PLA2G6: variants seen among roughly 807,000 people sequenced by gnomAD.
PLA2G6 encodes the protein 85/88 kDa calcium-independent phospholipase A2.
PLA2G6 carries 62 observed loss-of-function variants against 83.8 expected under a neutral mutation model. The observed-to-expected ratio is 0.74, with a 90% CI of 0.60 to 0.91. PLA2G6 has a LOEUF of 0.91. PLA2G6 is among the 40% of genes least tolerant of loss of function. The probability of loss-of-function intolerance (pLI) is 0.00; values close to 1 mark genes in which losing one functional copy is unlikely to be tolerated. For missense variants in PLA2G6, 944 were observed against 1,102.0 expected (o/e 0.86, Z 2.03); for synonymous variants, 417 against 449.8 (o/e 0.93, Z 0.92).
intron 12 of PLA2G6, chr22:38,116,472 G>A (rs2087204858): frequency 1.6e-6 from 1 of 641,960 alleles, no homozygotes. Context: ...GGAAAAACCT[G>A]TTGCAAGACT....
At chr22:38,126,659 T>A in intron 9 of PLA2G6, 1 of 586,626 alleles carries the variant, frequency 1.7e-6, no homozygotes, top group East Asian at 3.0e-5. Context: ...TGGGCTGGAG[T>A]GGAAAGGGGG....
chr22:38,161,759 G>T (rs535857150), intron 2 of PLA2G6, among the ~76,000 whole-genome samples: 2 of 152,236 alleles, frequency 1.3e-5, no homozygotes, highest in African/African-American at 4.8e-5. Context: ...CAGCAGCAGG[G>T]CTATCAGCTG....
In PLA2G6 at chr22:38,115,531, C is replaced by T. The variant is rs369038599; in HGVS notation, c.2030G>A (p.Arg677His). 17 of 1,612,816 alleles carry T rather than the reference C, an allele frequency of 1.1e-5. No individual in the cohort carries two copies. Among genetic ancestry groups the T allele is most frequent in the East Asian group, 2.2e-5 (1 of 44,892 alleles). Reference sequence around the variant, plus strand: ...CCTCTGGCCTACGGCACTCACCTTGCGGATCAGGTCCTGATTGTACTCATG... The same window carrying T: ...CCTCTGGCCTACGGCACTCACCTTGTGGATCAGGTCCTGATTGTACTCATG... ...EIHEYNQDLI[R>H]KGQANKVKKL... Residue 677 changes from arginine to histidine, a missense_variant, in exon 14 of 17, where the codon CGC (arginine) becomes CAC (histidine). Physicochemically the swap from Arg to His is conservative, Grantham distance 29 (BLOSUM62 0). Coordinates refer to ENST00000332509, the MANE Select transcript of PLA2G6 (RefSeq NM_003560.4).
At chr22:38,116,555 G>A (rs12167576) in intron 12 of PLA2G6, 141,177 of 404,044 alleles carry the variant, frequency 0.35, 25,892 homozygotes, top group South Asian at 0.42. Context: ...CACTGCAGAC[G>A]TTAGAAAAAG....
At chr22:38,181,547 C>G (rs1307148334) in intron 1 of PLA2G6, 117 bp downstream of exon 1, 1 of 152,004 alleles carries the variant, frequency 6.6e-6, no homozygotes, top group Non-Finnish European at 1.5e-5. Context: ...CCCTGGGGTC[C>G]ACAAGTTCGA....
chr22:38,127,492 G>A, intron 9 of PLA2G6: 2 of 1,274,010 alleles, frequency 1.6e-6, no homozygotes, highest in Non-Finnish European at 1.0e-6. Flanking sequence ...GGGAGGTGGA[G>A]GGGGAGTTCC....
chr22:38,145,317 C>A, intron 3 of PLA2G6, 121 bp downstream of exon 3: 1 of 850,218 alleles, frequency 1.2e-6, no homozygotes, highest in South Asian at 1.4e-5. Flanking sequence ...TAGTGAGCGA[C>A]CATGCCAGGC....
intron 1 of PLA2G6, among the ~76,000 whole-genome samples, chr22:38,174,559 C>T (rs6001037): frequency 0.071 from 10,763 of 152,226 alleles, 865 homozygotes; most frequent in African/African-American, 0.19. Flanking sequence ...CCCTGTCTCG[C>T]CAAGTGCACG....
At chr22:38,143,525 C>A in intron 3 of PLA2G6, 1 of 614,188 alleles carries the variant, frequency 1.6e-6, no homozygotes, top group South Asian at 1.8e-5. Flanking sequence ...GGCCCCAGGG[C>A]CACACCAGCA....
intron 2 of PLA2G6, chr22:38,167,965 T>C (rs132988): frequency 0.11 from 18,879 of 169,698 alleles, 1,302 homozygotes; most frequent in African/African-American, 0.18. Flanking sequence ...ACCTCCACAC[T>C]TCTGCACGGC....
Position 38,123,342 on chromosome 22 carries a change from G to A in PLA2G6, c.1428-84C>T, listed in dbSNP as rs2087636473. On this transcript the variant is annotated intron_variant, in intron 10 of 16. Coordinates refer to ENST00000332509, the MANE Select transcript of PLA2G6 (RefSeq NM_003560.4). The surrounding 1 kb of genome is among the most constrained non-coding windows in gnomAD (Gnocchi z 4.1). ...TCCACCCTCATAGCCCTTGTCCCCT[G>A]CAGCTGTGTCCTGGCAGACAGACCC... 2.1e-6 allele frequency: 3 copies of A among 1,414,528 alleles called. No individual in the cohort carries two copies. Among genetic ancestry groups the A allele is most frequent in the African/African-American group, 1.4e-5 (1 of 70,472 alleles). 87.6% of individuals were successfully genotyped at this position (1,414,528 alleles called of 1,614,324 possible). A position where few individuals can be genotyped will look rare whatever the true frequency, so the allele number is the denominator to read the frequency against.
intron 2 of PLA2G6, among the ~76,000 whole-genome samples, chr22:38,151,914 C>T (rs1190322222): frequency 1.3e-5 from 2 of 152,168 alleles, no homozygotes. Flanking sequence ...CTTGATTATG[C>T]TGAAAAGTAA....
At chr22:38,148,859 C>CTT (rs200966258) in intron 2 of PLA2G6, 5,333 of 151,630 alleles carry the variant, frequency 0.035, 282 homozygotes, top group East Asian at 0.12. Context: ...TAGATTATTT[C>CTT]TTTTTTTTTT....
intron 1 of PLA2G6, among the ~76,000 whole-genome samples, chr22:38,180,064 AAC>A (rs1408819321): frequency 3.3e-5 from 5 of 151,778 alleles, no homozygotes; most frequent in Non-Finnish European, 5.9e-5. Context: ...TGAAGTTTGT[AAC>A]ACACTCTTCA....
chr22:38,159,762 A>AAGGAAGGAAGGAAGGAAG (rs1556132560), intron 2 of PLA2G6, among the ~76,000 whole-genome samples: 1 of 151,324 alleles, frequency 6.6e-6, no homozygotes, highest in African/African-American at 2.4e-5. Context: ...GGAAGGAAGG[A>AAGGAAGGAAGGAAGGAAG]GATCTTCAAC....
At chr22:38,134,845 G>C in intron 6 of PLA2G6, 143 bp downstream of exon 6, 1 of 629,926 alleles carries the variant, frequency 1.6e-6, no homozygotes, top group Non-Finnish European at 2.8e-6. Flanking sequence ...GCTCTTCATG[G>C]ACTTCTCTGC....
intron 1 of PLA2G6, among the ~76,000 whole-genome samples, chr22:38,175,242 C>T (rs1351860502): frequency 1.3e-5 from 2 of 152,308 alleles, no homozygotes; most frequent in African/African-American, 4.8e-5. Context: ...TCCTTCAAGG[C>T]CCAGCTGCCC....
intron 2 of PLA2G6, among the ~76,000 whole-genome samples, chr22:38,162,931 CG>C (rs1408739742): frequency 1.3e-5 from 2 of 152,028 alleles, no homozygotes; most frequent in Non-Finnish European, 2.9e-5. Flanking sequence ...GGAGGACACA[CG>C]GGGGTGTGTC....
intron 1 of PLA2G6, among the ~76,000 whole-genome samples, chr22:38,181,181 G>A (rs929852550): frequency 2.6e-5 from 4 of 152,152 alleles, no homozygotes; most frequent in African/African-American, 7.2e-5. Context: ...AGGATTAGGG[G>A]TGGGAGACTC....
Sources: gnomAD v4.1 joint callset for allele counts (sites outside exome capture counted in the v4.1 genomes callset) on GRCh38, gnomAD v4.1.1 for gene constraint, Gnocchi (gnomAD v3.1) non-coding constraint, MANE v1.5 for transcripts, NCBI Gene and HGNC (gene_info 2026-07-23, HGNC 2026-07-21) for gene names.